PHF21A: variants seen among roughly 807,000 people sequenced by gnomAD.
PHF21A encodes the protein BHC80a.
A neutral mutation model predicts 82.5 loss-of-function variants in PHF21A; 11 were observed. That is an observed-to-expected ratio of 0.13 (90% CI 0.08 to 0.22). PHF21A has a LOEUF of 0.22. Ranked by LOEUF, PHF21A falls within the 10% of genes least tolerant of loss-of-function variation. PHF21A has a pLI of 1.00. For missense variants in PHF21A, 579 were observed against 837.8 expected, an observed-to-expected ratio of 0.69 and a Z score of 3.81; for synonymous variants, 297 against 302.8, an observed-to-expected ratio of 0.98 and a Z score of 0.20.
chr11:46,068,848 C>T (rs2096624678), intron 6 of PHF21A, among the ~76,000 whole-genome samples: 1 of 152,200 alleles, frequency 6.6e-6, no homozygotes, highest in African/African-American at 2.4e-5. Flanking sequence ...CTTAACTCAG[C>T]AAACTGATGC....
Position 46,025,316 on chromosome 11 carries a change from C to A in PHF21A, c.154-45350G>T, listed in dbSNP as rs531344503. On this transcript the variant is annotated intron_variant, in intron 6 of 18. Transcript: ENST00000676320. ...TTCTTTTCTCAAACTTACTATGTCC[C>A]TTTCACACAATATGACCAATAGGAA... Among the ~76,000 whole-genome samples the A allele has an allele frequency of 9.2e-5, 14 of 152,232 alleles. No homozygotes were observed. The South Asian group carries it at 2.9e-3, about 32-fold the overall frequency.
intron 6 of PHF21A, among the ~76,000 whole-genome samples, chr11:46,034,755 C>T (rs1202641498): frequency 2.0e-5 from 3 of 152,122 alleles, no homozygotes; most frequent in Non-Finnish European, 4.4e-5. Context: ...CCTGCAGAAA[C>T]CAACATGTCA....
intron 6 of PHF21A, among the ~76,000 whole-genome samples, chr11:46,074,645 G>A (rs1196084444): frequency 6.6e-6 from 1 of 152,186 alleles, no homozygotes; most frequent in Non-Finnish European, 1.5e-5. Context: ...TGGGACTACT[G>A]GCATGTGCCA....
chr11:46,014,936 C>T (rs1375855068), intron 6 of PHF21A, among the ~76,000 whole-genome samples: 3 of 49,118 alleles, frequency 6.1e-5, no homozygotes, highest in Non-Finnish European at 9.7e-5. Flanking sequence ...GCCGAGATCC[C>T]GCCACTGCAC....
intron 1 of PHF21A, among the ~76,000 whole-genome samples, chr11:46,108,235 GA>G (rs2097173291): frequency 1.3e-5 from 2 of 151,944 alleles, no homozygotes; most frequent in African/African-American, 2.4e-5. Context: ...GTAGCTACTA[GA>G]ATAAACTAGA....
At chr11:46,072,705 G>T (rs190118495) in intron 6 of PHF21A, among the ~76,000 whole-genome samples, 187 of 152,268 alleles carry the variant, frequency 1.2e-3, no homozygotes, top group Non-Finnish European at 2.4e-3. Flanking sequence ...GAGTGTCAGG[G>T]ATAGCTCCTC....
At chr11:45,977,020 G>A (rs1178071036) in intron 7 of PHF21A, among the ~76,000 whole-genome samples, 2 of 152,074 alleles carry the variant, frequency 1.3e-5, no homozygotes, top group Admixed American at 6.6e-5. Flanking sequence ...GGATGGAGAG[G>A]TGCTATACAA....
intron 6 of PHF21A, among the ~76,000 whole-genome samples, chr11:46,005,419 T>C (rs1467737234): frequency 6.6e-6 from 1 of 152,214 alleles, no homozygotes; most frequent in Non-Finnish European, 1.5e-5. Flanking sequence ...TACCAAATAA[T>C]CTTAGGCAGT....
chr11:45,973,514 T>C lies in PHF21A; in HGVS notation c.361-2147A>G, dbSNP rs145465811. ...GCTAAGTGGCTTATTCTCTTTGCCA[T>C]TGCCTCCTTAAATGTGAAATGAGAG... On this transcript the variant is annotated intron_variant, in intron 7 of 18. Coordinates refer to ENST00000676320, the MANE Select transcript of PHF21A (RefSeq NM_001352027.3). Among the ~76,000 whole-genome samples the C allele has an allele frequency of 1.9e-3, 292 of 152,348 alleles. 2 individuals are homozygous for C. Among genetic ancestry groups the C allele is most frequent in the African/African-American group, 6.3e-3 (264 of 41,586 alleles).
chr11:46,050,862 C>A (rs998199601), intron 6 of PHF21A, among the ~76,000 whole-genome samples: 2 of 152,184 alleles, frequency 1.3e-5, no homozygotes, highest in African/African-American at 2.4e-5. Flanking sequence ...ATGGCATACA[C>A]CCCTCTCTAC....
chr11:46,069,966 C>G (rs2096637176), intron 6 of PHF21A, among the ~76,000 whole-genome samples: 1 of 152,304 alleles, frequency 6.6e-6, no homozygotes, highest in Admixed American at 6.5e-5. Context: ...TGCATTAACT[C>G]CTCAATGCAT....
intron 13 of PHF21A, 30 bp from the exon 14 acceptor site, chr11:45,948,976 G>A: frequency 1.3e-6 from 2 of 1,571,070 alleles, no homozygotes; most frequent in African/African-American, 1.3e-5. Context: ...AAAGGTGACT[G>A]TTGAGTAGTG....
intron 6 of PHF21A, among the ~76,000 whole-genome samples, chr11:46,066,836 A>G (rs1196375305): frequency 6.6e-6 from 1 of 152,234 alleles, no homozygotes; most frequent in Non-Finnish European, 1.5e-5. Context: ...ACAATTCTAG[A>G]TAATCTAGAC....
intron 15 of PHF21A, 149 bp downstream of exon 15, chr11:45,945,691 C>T: frequency 1.6e-6 from 1 of 622,300 alleles, no homozygotes. Flanking sequence ...AGAAAGCTGC[C>T]TTACATGGCA....
At chr11:46,070,778 T>C (rs745903021) in intron 6 of PHF21A, among the ~76,000 whole-genome samples, 8 of 152,200 alleles carry the variant, frequency 5.3e-5, no homozygotes, top group Non-Finnish European at 7.4e-5. Flanking sequence ...AAAGATAATT[T>C]ATGGAATACT....
At chr11:45,955,485 CTGTTCCATTCCAAGGCTG>C (rs2092565874) in intron 10 of PHF21A, among the ~76,000 whole-genome samples, 1 of 152,156 alleles carries the variant, frequency 6.6e-6, no homozygotes, top group African/African-American at 2.4e-5. Context: ...TAAGGGTGTG[CTGTTCCATTCCAAGGCTG>C]TGTGAAGTCT....
chr11:46,082,510 A>G (rs754933765), intron 4 of PHF21A, among the ~76,000 whole-genome samples: 2 of 152,230 alleles, frequency 1.3e-5, no homozygotes, highest in Non-Finnish European at 2.9e-5. Flanking sequence ...TATTATTGAC[A>G]TATAAATAAA....
chr11:46,112,251 C>CA (rs1240740251), intron 1 of PHF21A, among the ~76,000 whole-genome samples: 1 of 152,010 alleles, frequency 6.6e-6, no homozygotes, highest in African/African-American at 2.4e-5. Context: ...TACCATAAGC[C>CA]AAAAATCTCA....
Position 45,934,062 on chromosome 11 carries a change from G to A in PHF21A, c.1952C>T (p.Thr651Ile), listed in dbSNP as rs141388105. The change falls in exon 19 of 19, where the codon ACC becomes ATC. Residue 651 changes from threonine (T) to isoleucine (I), a missense_variant. Coordinates refer to ENST00000676320, the MANE Select transcript of PHF21A (RefSeq NM_001352027.3). ...GGAGGTGGCGGCATTGGCAGGGGGG[G>A]TGCAGTCCGGGCCATTGGAGATGGC... Reference protein sequence around the residue: ...VGAISNGPDCTPPANAATSTP... With the variant: ...VGAISNGPDCIPPANAATSTP... 4.0e-4 allele frequency: 648 copies of A among 1,613,808 alleles called. No individual in the cohort carries two copies. The highest frequency in any genetic ancestry group is 5.3e-4 in the Non-Finnish European group (624 of 1,179,902).
Sources: gnomAD v4.1 joint callset for allele counts (sites outside exome capture counted in the v4.1 genomes callset) on GRCh38, gnomAD v4.1.1 for gene constraint, MANE v1.5 for transcripts, NCBI Gene and HGNC (gene_info 2026-07-23, HGNC 2026-07-21) for gene names.